Variants in RGS3 observed in about 807,000 individuals in gnomAD.
The protein encoded by RGS3 is regulator of G-protein signalling 3.
Under a neutral mutation model 132.6 loss-of-function variants are expected in RGS3, and 80 were observed. That is an observed-to-expected ratio of 0.60 (90% confidence interval 0.50 to 0.73). The LOEUF is 0.73. Among genes scored for constraint, RGS3 ranks in the 30% least tolerant of loss-of-function variants. The pLI is 0.00. For synonymous variants in RGS3, 598 were observed against 620.6 expected (o/e 0.96, Z 0.54); for missense variants, 1,382 against 1,530.8 (o/e 0.90, Z 1.62).
chr9:113,505,891 A>G (rs1831108312), intron 11 of RGS3, among the ~76,000 whole-genome samples: 1 of 152,208 alleles, frequency 6.6e-6, no homozygotes, highest in Non-Finnish European at 1.5e-5. Flanking sequence ...AAAAAGAGCC[A>G]TCCTTCCCTA....
intron 19 of RGS3, among the ~76,000 whole-genome samples, chr9:113,572,607 A>G (rs1400577421): frequency 6.6e-6 from 1 of 152,220 alleles, no homozygotes; most frequent in Non-Finnish European, 1.5e-5. Context: ...GGGCAGACAG[A>G]TAAGGCAAGG....
intron 19 of RGS3, among the ~76,000 whole-genome samples, chr9:113,553,459 A>AATATAT (rs1217293385): frequency 8.9e-4 from 52 of 58,650 alleles, no homozygotes; most frequent in Middle Eastern, 0.015. Flanking sequence ...AAAAAAAAAA[A>AATATAT]ATATATATAT....
intron 10 of RGS3, among the ~76,000 whole-genome samples, chr9:113,503,818 C>T (rs1346987038): frequency 2.0e-5 from 3 of 152,202 alleles, no homozygotes; most frequent in Non-Finnish European, 4.4e-5. Context: ...AGGCTCCTGG[C>T]GTCTTCCCTG....
At chr9:113,594,222 G>A in intron 21 of RGS3, 3 of 1,612,892 alleles carry the variant, frequency 1.9e-6, no homozygotes, top group Non-Finnish European at 2.5e-6. Context: ...ACAGGAGCCA[G>A]AGTGGTGCCT....
chr9:113,511,573 C>T (rs914736691), intron 14 of RGS3, among the ~76,000 whole-genome samples: 1 of 152,104 alleles, frequency 6.6e-6, no homozygotes, highest in Non-Finnish European at 1.5e-5. Context: ...ACCTCAGTTT[C>T]CTTGTCTACA....
At chr9:113,498,732 C>T (rs7042290) in intron 10 of RGS3, among the ~76,000 whole-genome samples, 17,974 of 151,044 alleles carry the variant, frequency 0.12, 1,268 homozygotes, top group African/African-American at 0.19. Context: ...CTGGCCAACA[C>T]GGTGAAACCT....
At chr9:113,572,914 T>C (rs1464194520) in intron 19 of RGS3, among the ~76,000 whole-genome samples, 1 of 152,232 alleles carries the variant, frequency 6.6e-6, no homozygotes, top group Admixed American at 6.5e-5. Context: ...CCTAGGCTGC[T>C]GTAAGGGTCA....
intron 8 of RGS3, among the ~76,000 whole-genome samples, chr9:113,496,586 T>C (rs12349661): frequency 0.086 from 13,080 of 152,022 alleles, 646 homozygotes; most frequent in Non-Finnish European, 0.096. Context: ...AGTCTCACTC[T>C]GTTGCCCAGG....
At chr9:113,532,404 T>G (rs545577231) in intron 18 of RGS3, among the ~76,000 whole-genome samples, 126 of 151,880 alleles carry the variant, frequency 8.3e-4, no homozygotes, top group Middle Eastern at 3.4e-3. Flanking sequence ...AAAGCTTAGG[T>G]CTCCCGAAAA....
chr9:113,580,343 C>T (rs1360814484), intron 19 of RGS3, among the ~76,000 whole-genome samples: 5 of 152,234 alleles, frequency 3.3e-5, no homozygotes, highest in Admixed American at 2.0e-4. Context: ...CTGCATCAGC[C>T]TCTCATTCTT....
chr9:113,478,083 T>G (rs897241766), intron 3 of RGS3, among the ~76,000 whole-genome samples: 1 of 152,240 alleles, frequency 6.6e-6, no homozygotes, highest in Non-Finnish European at 1.5e-5. Context: ...AGTTTTGTCC[T>G]GTTTTTTCTT....
intron 19 of RGS3, among the ~76,000 whole-genome samples, chr9:113,551,955 T>A (rs7029685): frequency 0.12 from 18,175 of 152,242 alleles, 1,306 homozygotes; most frequent in African/African-American, 0.19. Flanking sequence ...CCTCACTAAC[T>A]CTATTTTTTC....
chr9:113,468,277 A>G (rs1829713934), intron 3 of RGS3, among the ~76,000 whole-genome samples: 1 of 152,164 alleles, frequency 6.6e-6, no homozygotes, highest in African/African-American at 2.4e-5. Flanking sequence ...GTGGCTATCC[A>G]GTTGTCCCAG....
At chr9:113,476,324 T>A (rs974055862) in intron 3 of RGS3, among the ~76,000 whole-genome samples, 1 of 151,968 alleles carries the variant, frequency 6.6e-6, no homozygotes, top group African/African-American at 2.4e-5. Flanking sequence ...CCAGAGCAAA[T>A]CACCTTCCAT....
At chr9:113,547,425 C>A (rs1196968810) in intron 19 of RGS3, among the ~76,000 whole-genome samples, 1 of 152,188 alleles carries the variant, frequency 6.6e-6, no homozygotes, top group African/African-American at 2.4e-5. Flanking sequence ...CTTCCAGCCT[C>A]CCCCATTGGA....
intron 23 of RGS3, 176 bp from the exon 22 acceptor site, chr9:113,595,423 G>A: frequency 1.6e-6 from 1 of 635,358 alleles, no homozygotes; most frequent in Non-Finnish European, 2.7e-6. Flanking sequence ...CTGAGACCCT[G>A]AAAGAGGCAG....
chr9:113,572,879 A>T (rs1018654586), intron 19 of RGS3, among the ~76,000 whole-genome samples: 24 of 152,226 alleles, frequency 1.6e-4, no homozygotes, highest in Admixed American at 1.6e-3. Context: ...CCCCCCCTGA[A>T]ACCTGCAACT....
At chr9:113,485,644 G>A (rs755138276) in exon 7 of RGS3, 4 of 1,598,706 alleles carry the variant, frequency 2.5e-6, no homozygotes, top group Admixed American at 1.7e-5. Flanking sequence ...AGAGGAGGAT[G>A]ATCAGAAGCG....
At chr9:113,593,891 C>A in intron 21 of RGS3, 2 of 1,565,208 alleles carry the variant, frequency 1.3e-6, no homozygotes, top group Non-Finnish European at 1.7e-6. Flanking sequence ...GACTTGTCCC[C>A]CACCCCCCAC....
Sources: gnomAD v4.1 joint callset for allele counts (sites outside exome capture counted in the v4.1 genomes callset) on GRCh38, gnomAD v4.1.1 for gene constraint, MANE v1.5 for transcripts, NCBI Gene and HGNC (gene_info 2026-07-23, HGNC 2026-07-21) for gene names.